ZNF578: variants seen among roughly 807,000 people sequenced by gnomAD.
ZNF578 encodes the protein zinc finger protein 578.
In ZNF578, 8 loss-of-function variants were observed where a neutral mutation model predicts 8.3. That is an observed-to-expected ratio of 0.96 (90% CI 0.56 to 1.74). ZNF578 has a LOEUF of 1.74. Ranked by LOEUF, ZNF578 falls within the 40% of genes most tolerant of loss-of-function variation. The probability of loss-of-function intolerance (pLI) is 0.00; values close to 1 mark genes in which losing one functional copy is unlikely to be tolerated. For synonymous variants in ZNF578, 206 were observed against 232.2 expected (o/e 0.89, Z 1.03); for missense variants, 726 against 707.5 (o/e 1.03, Z -0.30).
At chr19:52,489,019 C>T (rs1009758887) in intron 2 of ZNF578, among the ~76,000 whole-genome samples, 12 of 150,912 alleles carry the variant, frequency 8.0e-5, no homozygotes, top group Admixed American at 5.3e-4. Flanking sequence ...TACTTGGACC[C>T]GGCTGGAAGG....
intron 2 of ZNF578, among the ~76,000 whole-genome samples, chr19:52,489,594 T>TTAAA (rs932806282): frequency 4.0e-5 from 6 of 151,630 alleles, no homozygotes; most frequent in Admixed American, 6.6e-5. Flanking sequence ...GTCTCAAAAA[T>TTAAA]TAAATAAATA....
At position 52,511,730 on chromosome 19, in the gene ZNF578, C is replaced by T. The variant is rs1555757451; in HGVS notation, c.1349C>T (p.Thr450Ile). 1.9e-6 allele frequency: 3 copies of T among 1,613,264 alleles called. No individual in the cohort carries two copies. The highest frequency in any genetic ancestry group is 1.1e-5 in the South Asian group (1 of 91,054). The change falls in exon 6 of 6, where the codon ACT (threonine) becomes ATT (isoleucine). Residue 450 changes from threonine (T) to isoleucine (I), a missense_variant. Coordinates refer to ENST00000421239, the MANE Select transcript of ZNF578 (RefSeq NM_001099694.2). ...SSLARHHRLH[T>I]GEKSYKCEEC... ...CTTGCACGTCATCATAGACTTCATA[C>T]TGGAGAGAAATCTTACAAATGTGAA... is the stretch of plus-strand genomic sequence containing the variant.
At position 52,511,534 on chromosome 19, in the gene ZNF578, A is replaced by G. The variant is rs35356792; in HGVS notation, c.1153A>G (p.Thr385Ala). ...TGGCAAGATGTTTGGTCAAAATTCA[A>G]CCCTTGTAATTCATAAGGCAATTCA... ...ECGKMFGQNS[T>A]LVIHKAIHTG... Residue 385 changes from threonine (T) to alanine (A), a missense_variant, in exon 6 of 6, where the codon ACC becomes GCC. Physicochemically the swap from Thr to Ala is moderately conservative, Grantham distance 58. Transcript: ENST00000421239. 97,005 of 1,613,752 alleles carry G rather than the reference A, an allele frequency of 0.06. 3,415 individuals carry two copies. Among genetic ancestry groups the G allele is most frequent in the African/African-American group, 0.12 (9,347 of 74,880 alleles).
At chr19:52,501,363 A>T (rs1455412054) in intron 3 of ZNF578, among the ~76,000 whole-genome samples, 3 of 152,194 alleles carry the variant, frequency 2.0e-5, no homozygotes, top group African/African-American at 7.2e-5. Flanking sequence ...CCGCTTTAGC[A>T]GGGATTCTTA....
intron 2 of ZNF578, among the ~76,000 whole-genome samples, chr19:52,486,348 A>T (rs1239582258): frequency 7.2e-5 from 11 of 152,116 alleles, no homozygotes. Flanking sequence ...GAACTCAGAG[A>T]CCAGTGCCGT....
intron 2 of ZNF578, among the ~76,000 whole-genome samples, chr19:52,468,650 A>C (rs1046915174): frequency 6.6e-6 from 1 of 152,142 alleles, no homozygotes. Context: ...GGTGTTGCCG[A>C]GGAGATTGAC....
At chr19:52,464,385 A>G (rs922723953) in intron 2 of ZNF578, among the ~76,000 whole-genome samples, 15 of 152,224 alleles carry the variant, frequency 9.9e-5, no homozygotes, top group African/African-American at 2.2e-4. Context: ...TAGACATAGC[A>G]TAAGTAGCAA....
rs902591635 is a variant in ZNF578 at position 52,490,200 on chromosome 19, A to G, written c.-121-1124A>G. Among the ~76,000 whole-genome samples, 8 of 152,336 alleles carry G rather than the reference A, an allele frequency of 5.3e-5. No homozygotes were observed. In the South Asian group the frequency reaches 1.2e-3, roughly 24 times the overall value. ...AGTTCACTAGATAACTAAGGGCAAT[A>G]CATATATATAAAATTGCTCTATTGC... On this transcript the variant is annotated intron_variant, in intron 2 of 5. Transcript: ENST00000421239.
rs370579437 is a variant in ZNF578, at chr19:52,511,591, T to C, written c.1210T>C (p.Cys404Arg). ...TGEKPYKCNE[C>R]GKAFNQQSHL... ...AGAGAAACCTTACAAGTGTAATGAA[T>C]GTGGCAAGGCTTTTAATCAACAATC... is the stretch of plus-strand genomic sequence containing the variant. Residue 404 changes from cysteine to arginine, a missense_variant, in exon 6 of 6, where the codon TGT becomes CGT. Transcript: ENST00000421239. 3.1e-6 allele frequency: 5 copies of C among 1,613,202 alleles called. No individual in the cohort carries two copies. In the African/African-American group the frequency reaches 5.3e-5, roughly 17 times the overall value.
At position 52,512,823 on chromosome 19, in the gene ZNF578, T is replaced by G. The variant is rs758386061; in HGVS notation, c.*669T>G. 2.6e-5 allele frequency among the ~76,000 whole-genome samples: 4 copies of G among 152,194 alleles called. No individual in the cohort carries two copies. Among genetic ancestry groups the G allele is most frequent in the Non-Finnish European group, 4.4e-5 (3 of 68,034 alleles). On this transcript the variant is annotated 3_prime_UTR_variant, in exon 6 of 6. Transcript: ENST00000421239. ...ATTGACATTGGAGTCAATTCAGCAT[T>G]GACTTGAGTTTGTGTTGACTTAACA...
intron 2 of ZNF578, among the ~76,000 whole-genome samples, chr19:52,478,678 T>C (rs552600224): frequency 1.3e-5 from 2 of 152,294 alleles, no homozygotes; most frequent in South Asian, 2.1e-4. Flanking sequence ...TGATCAACTT[T>C]AAGGCCTGCT....
chr19:52,481,536 A>C (rs1312926595), intron 2 of ZNF578, among the ~76,000 whole-genome samples: 6 of 152,114 alleles, frequency 3.9e-5, no homozygotes, highest in African/African-American at 1.2e-4. Flanking sequence ...GAGAATTTTA[A>C]ACTTCCTATT....
Position 52,501,812 on chromosome 19 carries a change from T to C in ZNF578, c.-19-15T>C. Reference sequence around the variant, plus strand: ...TCATATCTAACCTGAAGTCTTATTTTTCTTCCACATACAGGATTGATTTCT... The same window carrying C: ...TCATATCTAACCTGAAGTCTTATTTCTCTTCCACATACAGGATTGATTTCT... On this transcript the variant is annotated splice_polypyrimidine_tract_variant and intron_variant, in intron 3 of 5. Coordinates refer to ENST00000421239, the MANE Select transcript of ZNF578 (RefSeq NM_001099694.2). 1 of 1,610,218 alleles carries C rather than the reference T, an allele frequency of 6.2e-7. No homozygotes were observed. Among genetic ancestry groups the C allele is most frequent in the Non-Finnish European group, 8.5e-7 (1 of 1,178,562 alleles).
At chr19:52,474,603 A>T (rs1182361380) in intron 2 of ZNF578, 4 of 326,522 alleles carry the variant, frequency 1.2e-5, no homozygotes, top group African/African-American at 8.7e-5. Flanking sequence ...CAAGGTATGA[A>T]TTATTCCTGA....
At chr19:52,473,745 C>A in intron 2 of ZNF578, 1 of 286,170 alleles carries the variant, frequency 3.5e-6, no homozygotes, top group South Asian at 1.2e-4. Flanking sequence ...GGTTTCCTTC[C>A]AATGTGGATT....
rs1185366483 is a variant in ZNF578 at position 52,513,054 on chromosome 19, C to T, written c.*900C>T. ...TTATTTTTTGAGATGGAGTGTTGCT[C>T]TTGCTGCCCAGGCTAGAGTGCAATG... On this transcript the variant is annotated 3_prime_UTR_variant, in exon 6 of 6. Coordinates refer to ENST00000421239, the MANE Select transcript of ZNF578 (RefSeq NM_001099694.2). 6.6e-6 allele frequency among the ~76,000 whole-genome samples: 1 copy of T among 152,096 alleles called. No homozygotes were observed. Among genetic ancestry groups the T allele is most frequent in the African/African-American group, 2.4e-5 (1 of 41,422 alleles).
chr19:52,480,267 C>T (rs2059321475), intron 2 of ZNF578, among the ~76,000 whole-genome samples: 1 of 152,160 alleles, frequency 6.6e-6, no homozygotes, highest in Admixed American at 6.5e-5. Context: ...TTTCCAGCAT[C>T]TGACATAATG....
intron 5 of ZNF578, among the ~76,000 whole-genome samples, chr19:52,506,969 C>G (rs1229805440): frequency 6.6e-6 from 1 of 152,210 alleles, no homozygotes; most frequent in African/African-American, 2.4e-5. Context: ...ATAGCTTAGA[C>G]TGGCCAGCCG....
intron 3 of ZNF578, among the ~76,000 whole-genome samples, chr19:52,499,613 G>A (rs1238617977): frequency 2.0e-5 from 3 of 151,638 alleles, no homozygotes; most frequent in Non-Finnish European, 2.9e-5. Flanking sequence ...TTATTTGTAA[G>A]TGTTGTAATT....
Sources: gnomAD v4.1 joint callset for allele counts (sites outside exome capture counted in the v4.1 genomes callset) on GRCh38, gnomAD v4.1.1 for gene constraint, MANE v1.5 for transcripts, NCBI Gene and HGNC (gene_info 2026-07-23, HGNC 2026-07-21) for gene names.